The following ATP8B4 variants were observed in gnomAD, a reference collection of about 807,000 sequenced individuals.
ATP8B4 encodes probable phospholipid-transporting ATPase IM.
A neutral mutation model predicts 145.6 loss-of-function variants in ATP8B4; 133 were observed. That is an observed-to-expected ratio of 0.91 (90% CI 0.79 to 1.05). The LOEUF is 1.05. Ranked by LOEUF, ATP8B4 falls within the 50% of genes least tolerant of loss-of-function variation. The pLI, the probability that ATP8B4 is intolerant of heterozygous loss-of-function variation, is 0.00. For synonymous variants in ATP8B4, 507 were observed against 492.9 expected (o/e 1.03, Z -0.38); for missense variants, 1,458 against 1,425.2 (o/e 1.02, Z -0.37).
At chr15:50,004,179 T>C (rs1313847185) in intron 7 of ATP8B4, among the ~76,000 whole-genome samples, 1 of 152,184 alleles carries the variant, frequency 6.6e-6, no homozygotes, top group Non-Finnish European at 1.5e-5. Context: ...TGCTGTTCCC[T>C]TTTGTTAACC....
chr15:50,104,085 G>A (rs2056532748), intron 2 of ATP8B4, among the ~76,000 whole-genome samples: 1 of 152,074 alleles, frequency 6.6e-6, no homozygotes, highest in South Asian at 2.1e-4. Flanking sequence ...ATCAACTCAA[G>A]ATGAATCAAA....
At chr15:49,993,946 G>A (rs959697299) in intron 9 of ATP8B4, among the ~76,000 whole-genome samples, 3 of 152,090 alleles carry the variant, frequency 2.0e-5, no homozygotes, top group African/African-American at 7.2e-5. Context: ...TGCCCATTCT[G>A]TATGAAGCAA....
At chr15:49,879,808 C>T (rs141838431) in intron 23 of ATP8B4, 443 of 170,912 alleles carry the variant, frequency 2.6e-3, no homozygotes, top group Non-Finnish European at 4.6e-3. Flanking sequence ...TTTTCAGTGG[C>T]TTATAATGAG....
chr15:49,972,469 TATTAATAAGAAAGC>T, intron 13 of ATP8B4, 99 bp downstream of exon 13: 1 of 982,278 alleles, frequency 1.0e-6, no homozygotes, highest in Non-Finnish European at 1.5e-6. Context: ...ACGGTGCCCA[TATTAATAAGAAAGC>T]CAGCGACTGT....
At chr15:50,137,371 G>A (rs2044137051) in intron 1 of ATP8B4, among the ~76,000 whole-genome samples, 1 of 151,854 alleles carries the variant, frequency 6.6e-6, no homozygotes, top group South Asian at 2.1e-4. Context: ...CTCTTCAGAG[G>A]GTTAGCAGGT....
chr15:50,053,881 AGC>A (rs956732033), intron 3 of ATP8B4, among the ~76,000 whole-genome samples: 12 of 152,252 alleles, frequency 7.9e-5, no homozygotes, highest in African/African-American at 2.9e-4. Context: ...AAGTAAACAA[AGC>A]AAATAGAAAA....
chr15:49,964,720 G>C (rs2044373767), intron 13 of ATP8B4, among the ~76,000 whole-genome samples: 1 of 152,146 alleles, frequency 6.6e-6, no homozygotes, highest in South Asian at 2.1e-4. Flanking sequence ...CATGGGATTT[G>C]TGAATTTGGA....
At chr15:49,923,032 T>C (rs982277293) in intron 17 of ATP8B4, among the ~76,000 whole-genome samples, 21 of 152,154 alleles carry the variant, frequency 1.4e-4, no homozygotes, top group African/African-American at 5.1e-4. Flanking sequence ...GAAAAGGAGC[T>C]CTCTGTCTCC....
intron 6 of ATP8B4, among the ~76,000 whole-genome samples, chr15:50,014,852 C>T (rs1463115421): frequency 6.6e-6 from 1 of 152,086 alleles, no homozygotes; most frequent in African/African-American, 2.4e-5. Context: ...GAGATCTTTG[C>T]CTTATTTTGC....
upstream of ATP8B4, among the ~76,000 whole-genome samples, chr15:50,119,815 A>G (rs1246877606): frequency 7.1e-6 from 1 of 141,476 alleles, no homozygotes. Flanking sequence ...GATGAAAGCT[A>G]AGCATACTCA....
In ATP8B4 at chr15:49,972,735, A is replaced by C; in HGVS notation, c.1090T>G (p.Tyr364Asp). Residue 364 changes from tyrosine to aspartate, a missense_variant, in exon 13 of 28, where the codon TAT (tyrosine) becomes GAT (aspartate). Transcript: ENST00000284509. ...GCAGGTATTGCTTTTCGAGAATAAT[A>C]CATCTTCCGGTCCCAGTTTATAAAA... ...SYFINWDRKM[Y>D]YSRKAIPAVA... is the part of the protein sequence containing the mutation. 6.2e-7 allele frequency: 1 copy of C among 1,614,052 alleles called. No homozygotes were observed. The highest frequency in any genetic ancestry group is 1.3e-5 in the African/African-American group (1 of 75,036).
At chr15:50,026,939 A>G (rs1010331934) in intron 6 of ATP8B4, among the ~76,000 whole-genome samples, 2 of 152,136 alleles carry the variant, frequency 1.3e-5, no homozygotes, top group South Asian at 2.1e-4. Flanking sequence ...TTCATCCAGC[A>G]TATTCTCAGC....
At chr15:50,172,794 G>A (rs186195465) in intron 1 of ATP8B4, among the ~76,000 whole-genome samples, 30 of 141,788 alleles carry the variant, frequency 2.1e-4, no homozygotes, top group East Asian at 6.7e-4. Context: ...GCCCGGCCGC[G>A]ACCCTGTCTG....
chr15:49,962,291 T>C (rs2044153263), intron 13 of ATP8B4, among the ~76,000 whole-genome samples: 1 of 152,234 alleles, frequency 6.6e-6, no homozygotes, highest in Non-Finnish European at 1.5e-5. Flanking sequence ...CTGTAAATGT[T>C]ATCATTCTGT....
At chr15:49,869,011 C>A (rs1254512938) in intron 25 of ATP8B4, among the ~76,000 whole-genome samples, 1 of 152,050 alleles carries the variant, frequency 6.6e-6, no homozygotes, top group Non-Finnish European at 1.5e-5. Context: ...TGGGTTCAAG[C>A]GATTCTCCTG....
At chr15:50,167,640 G>T (rs1181068972) in intron 1 of ATP8B4, among the ~76,000 whole-genome samples, 1 of 152,126 alleles carries the variant, frequency 6.6e-6, no homozygotes, top group East Asian at 1.9e-4. Flanking sequence ...GGCAGCGCGA[G>T]ACACATTTGA....
intron 1 of ATP8B4, among the ~76,000 whole-genome samples, chr15:50,151,414 T>A (rs1421175585): frequency 6.6e-6 from 1 of 152,182 alleles, no homozygotes; most frequent in Non-Finnish European, 1.5e-5. Context: ...GAGTAACAAC[T>A]TTTTGTCTAT....
At chr15:49,965,906 C>T (rs1156814513) in intron 13 of ATP8B4, among the ~76,000 whole-genome samples, 3 of 152,142 alleles carry the variant, frequency 2.0e-5, no homozygotes, top group Non-Finnish European at 4.4e-5. Context: ...TTCTGCATTT[C>T]CAACTAAGGT....
At chr15:50,094,090 C>T (rs1365920850) in intron 2 of ATP8B4, among the ~76,000 whole-genome samples, 2 of 152,096 alleles carry the variant, frequency 1.3e-5, no homozygotes, top group African/African-American at 2.4e-5. Flanking sequence ...CTTGACTGGG[C>T]TACAGGGTGC....
Sources: gnomAD v4.1 joint callset for allele counts (sites outside exome capture counted in the v4.1 genomes callset) on GRCh38, gnomAD v4.1.1 for gene constraint, MANE v1.5 for transcripts, NCBI Gene and HGNC (gene_info 2026-07-23, HGNC 2026-07-21) for gene names.